Variants in ZFYVE28 observed in about 807,000 individuals in gnomAD.
The protein encoded by ZFYVE28 is zinc finger FYVE-type containing 28.
Under a neutral mutation model 82.1 loss-of-function variants are expected in ZFYVE28, and 40 were observed. That is an observed-to-expected ratio of 0.49 (90% CI 0.38 to 0.63). The LOEUF (loss-of-function observed/expected upper bound fraction) is 0.63, where lower values mean the gene tolerates loss of function less well. Ranked by LOEUF, ZFYVE28 falls within the 30% of genes least tolerant of loss-of-function variation. The pLI, the probability that ZFYVE28 is intolerant of heterozygous loss-of-function variation, is 0.00. For missense variants in ZFYVE28, 1,321 were observed against 1,242.1 expected (o/e 1.06, Z -0.96); for synonymous variants, 612 against 546.1 (o/e 1.12, Z -1.68).
intron 6 of ZFYVE28, among the ~76,000 whole-genome samples, chr4:2,327,398 C>G (rs759046803): frequency 1.3e-5 from 2 of 150,368 alleles, no homozygotes; most frequent in Non-Finnish European, 3.0e-5. Context: ...ATTGCTTTGG[C>G]AAGGACTTTC....
chr4:2,418,356 C>A lies in ZFYVE28; in HGVS notation c.-33G>T. 1.5e-5 allele frequency: 22 copies of A among 1,461,456 alleles called. No individual in the cohort carries two copies. The highest frequency in any genetic ancestry group is 1.9e-5 in the Non-Finnish European group (21 of 1,100,166). The allele number at this position is 1,461,456 out of a possible 1,614,324, so 90.5% of individuals were successfully genotyped here. On this transcript the variant is annotated 5_prime_UTR_variant, in exon 1 of 13. Transcript: ENST00000290974. This position sits in a 1 kb window ranked among gnomAD's most constrained non-coding sequence, Gnocchi z 4.6. Reference sequence around the variant, plus strand: ...CCGGCCCTGGCCGGACTCCGGGCGGCCCTCGCCCTCCGCAGCGCTGCGCCC... The same window carrying A: ...CCGGCCCTGGCCGGACTCCGGGCGGACCTCGCCCTCCGCAGCGCTGCGCCC...
intron 1 of ZFYVE28, among the ~76,000 whole-genome samples, chr4:2,371,017 G>A (rs1380002840): frequency 6.6e-6 from 1 of 152,258 alleles, no homozygotes; most frequent in Non-Finnish European, 1.5e-5. Context: ...CGTGGACGCA[G>A]CATGTGGGGC....
chr4:2,328,927 T>TTCA (rs897760007), intron 6 of ZFYVE28: 4 of 468,538 alleles, frequency 8.5e-6, no homozygotes, highest in Non-Finnish European at 1.5e-5. Context: ...CAATAATCAG[T>TTCA]TCACCATAGA....
At chr4:2,361,755 G>C (rs949837602) in intron 1 of ZFYVE28, among the ~76,000 whole-genome samples, 2 of 152,168 alleles carry the variant, frequency 1.3e-5, no homozygotes, top group Non-Finnish European at 2.9e-5. Context: ...GTGCGGTAAG[G>C]GGGTAAGGGC....
Position 2,335,128 on chromosome 4 carries a change from G to A in ZFYVE28, c.701+577C>T, listed in dbSNP as rs1489139117. Among the ~76,000 whole-genome samples the A allele has an allele frequency of 6.6e-6, 1 of 151,634 alleles. No individual in the cohort carries two copies. Among genetic ancestry groups the A allele is most frequent in the Non-Finnish European group, 1.5e-5 (1 of 67,904 alleles). On this transcript the variant is annotated intron_variant, in intron 6 of 12. Coordinates refer to ENST00000290974, the MANE Select transcript of ZFYVE28 (RefSeq NM_020972.3). The surrounding 1 kb of genome is among the most constrained non-coding windows in gnomAD (Gnocchi z 5.8). ...TGAGCCCCACAGGACCCTACAGGCT[G>A]CCTTGAGTTCCCTGCTCTCCCAGAC... is the stretch of plus-strand genomic sequence containing the variant.
At chr4:2,378,083 T>C (rs1728349175) in intron 1 of ZFYVE28, among the ~76,000 whole-genome samples, 1 of 152,230 alleles carries the variant, frequency 6.6e-6, no homozygotes, top group Non-Finnish European at 1.5e-5. Context: ...CTCACGCCTG[T>C]AATCCCAGCA....
chr4:2,387,236 A>G (rs996548426), intron 1 of ZFYVE28, among the ~76,000 whole-genome samples: 3 of 152,204 alleles, frequency 2.0e-5, no homozygotes, highest in African/African-American at 4.8e-5. Context: ...AGCACAGTCC[A>G]GCCTAGGGCT....
chr4:2,413,007 G>A (rs1489799853), intron 1 of ZFYVE28, among the ~76,000 whole-genome samples: 2 of 152,142 alleles, frequency 1.3e-5, no homozygotes, highest in Admixed American at 6.5e-5. Flanking sequence ...CATACCAGAC[G>A]TTTCCAGTAA....
chr4:2,366,301 A>G (rs1726879564), intron 1 of ZFYVE28, among the ~76,000 whole-genome samples: 1 of 152,248 alleles, frequency 6.6e-6, no homozygotes. Context: ...CTCATGTTTC[A>G]TAAGAACCTG....
At chr4:2,346,355 G>GA (rs975102007) in intron 2 of ZFYVE28, among the ~76,000 whole-genome samples, 1 of 143,362 alleles carries the variant, frequency 7.0e-6, no homozygotes, top group African/African-American at 2.7e-5. Flanking sequence ...AAAAAAAAAA[G>GA]AAAGAAAGAA....
At chr4:2,369,845 C>CT (rs1560296950) in intron 1 of ZFYVE28, among the ~76,000 whole-genome samples, 8 of 33,710 alleles carry the variant, frequency 2.4e-4, no homozygotes, top group Non-Finnish European at 3.2e-4. Flanking sequence ...TTTTTTTTTT[C>CT]TTTTCTTTTT....
chr4:2,369,833 A>AT (rs56355501), intron 1 of ZFYVE28, among the ~76,000 whole-genome samples: 19 of 92,074 alleles, frequency 2.1e-4, no homozygotes, highest in Non-Finnish European at 4.4e-4. Context: ...GAAAGAAGGG[A>AT]TTTTTTTTTT....
chr4:2,291,022 G>T (rs1027688311), intron 8 of ZFYVE28, among the ~76,000 whole-genome samples: 1 of 152,240 alleles, frequency 6.6e-6, no homozygotes, highest in African/African-American at 2.4e-5. Flanking sequence ...GCAGATTAGC[G>T]AAGAGTGCCT....
At chr4:2,298,669 G>A (rs1715021573) in intron 8 of ZFYVE28, among the ~76,000 whole-genome samples, 1 of 152,190 alleles carries the variant, frequency 6.6e-6, no homozygotes, top group African/African-American at 2.4e-5. Context: ...TGGCAGGGAA[G>A]GGAGGACTCA....
At chr4:2,391,331 G>A (rs925984394) in intron 1 of ZFYVE28, among the ~76,000 whole-genome samples, 14 of 152,030 alleles carry the variant, frequency 9.2e-5, no homozygotes, top group Admixed American at 9.2e-4. Context: ...TGTGGCGGAA[G>A]AGCCTCGTTC....
In ZFYVE28 at chr4:2,270,618, A is replaced by C. The variant is rs1577834799; in HGVS notation, c.*107T>G. 2 of 1,490,184 alleles carry C rather than the reference A, an allele frequency of 1.3e-6. No individual in the cohort carries two copies. The highest frequency in any genetic ancestry group is 1.9e-5 in the Admixed American group (1 of 52,046). The allele number at this position is 1,490,184 out of a possible 1,614,324, so 92.3% of individuals were successfully genotyped here. On this transcript the variant is annotated 3_prime_UTR_variant, in exon 13 of 13. Transcript: ENST00000290974. ...GCTCTGGAGGTCTGGGTGCCCCTGC[A>C]GCAGCGGCAGCGGCCTCATGAGACG...
intron 6 of ZFYVE28, chr4:2,328,911 C>T: frequency 4.7e-6 from 2 of 425,654 alleles, no homozygotes; most frequent in Admixed American, 3.9e-5. Flanking sequence ...ATCTTGGCCC[C>T]CTTGTCAATA....
chr4:2,271,843 T>TGCTGG, intron 10 of ZFYVE28, 64 bp from the exon 11 acceptor site: 3 of 1,481,034 alleles, frequency 2.0e-6, no homozygotes, highest in Non-Finnish European at 1.9e-6. Context: ...CAGGGTCACC[T>TGCTGG]GCACTTGCTG....
At chr4:2,352,936 TC>T (rs2108881445) in intron 2 of ZFYVE28, among the ~76,000 whole-genome samples, 1 of 152,264 alleles carries the variant, frequency 6.6e-6, no homozygotes, top group African/African-American at 2.4e-5. Flanking sequence ...GGCACTTTCC[TC>T]CTCCAGGCTC....
Sources: allele counts gnomAD v4.1 joint callset (sites outside exome capture counted in the v4.1 genomes callset), GRCh38; gene constraint gnomAD v4.1.1; non-coding constraint Gnocchi (gnomAD v3.1); transcripts MANE v1.5; gene names NCBI Gene and HGNC (gene_info 2026-07-23, HGNC 2026-07-21).